NEDD4: variants seen among roughly 807,000 people sequenced by gnomAD.
NEDD4 encodes the protein NEDD4 E3 ubiquitin protein ligase.
A neutral mutation model predicts 144.9 loss-of-function variants in NEDD4; 99 were observed. The observed-to-expected ratio is 0.68, with a 90% CI of 0.58 to 0.81. The LOEUF is 0.81. Ranked by LOEUF, NEDD4 falls within the 30% of genes least tolerant of loss-of-function variation. The pLI is 0.00. For synonymous variants in NEDD4, 318 were observed against 350.6 expected (o/e 0.91, Z 1.04); for missense variants, 985 against 1,065.9 (o/e 0.92, Z 1.06).
chr15:55,877,741 G>T (rs1018846359), intron 5 of NEDD4, among the ~76,000 whole-genome samples: 20 of 151,830 alleles, frequency 1.3e-4, no homozygotes, highest in African/African-American at 4.4e-4. Flanking sequence ...CTTAAGCAAA[G>T]AATTTTCCCC....
intron 1 of NEDD4, 71 bp downstream of exon 1, chr15:55,993,440 G>T (rs2140462929): frequency 6.4e-7 from 1 of 1,553,198 alleles, no homozygotes; most frequent in East Asian, 2.5e-5. Flanking sequence ...GGCCGCCGCC[G>T]CTACCTCCCC....
chr15:55,873,183 A>C (rs1566924923), intron 6 of NEDD4, among the ~76,000 whole-genome samples: 1 of 151,956 alleles, frequency 6.6e-6, no homozygotes, highest in Non-Finnish European at 1.5e-5. Flanking sequence ...ACTCACGTTG[A>C]CTGAGGGTCA....
chr15:55,914,406 G>T (rs2036369089), intron 5 of NEDD4, among the ~76,000 whole-genome samples: 1 of 151,632 alleles, frequency 6.6e-6, no homozygotes. Context: ...AAATACTTTG[G>T]AACGGCCAAA....
chr15:55,957,828 T>G (rs2037362297), intron 2 of NEDD4, among the ~76,000 whole-genome samples: 1 of 152,144 alleles, frequency 6.6e-6, no homozygotes, highest in Non-Finnish European at 1.5e-5. Context: ...TGCAGGGACA[T>G]GGGTGAAGCT....
chr15:55,937,149 AAC>A (rs1335541853), intron 4 of NEDD4, among the ~76,000 whole-genome samples: 1 of 152,198 alleles, frequency 6.6e-6, no homozygotes, highest in Non-Finnish European at 1.5e-5. Context: ...TGTTGTCAAT[AAC>A]AGTTTTTCAC....
At chr15:55,872,364 A>G (rs1325411029) in intron 7 of NEDD4, 51 bp downstream of exon 7, 3 of 811,348 alleles carry the variant, frequency 3.7e-6, no homozygotes, top group Non-Finnish European at 5.7e-6. Context: ...TGTAAGGTGT[A>G]ATGAAGAGAT....
At chr15:55,915,782 T>C (rs761533140) in intron 5 of NEDD4, 2 of 1,613,760 alleles carry the variant, frequency 1.2e-6, no homozygotes, top group Non-Finnish European at 1.7e-6. Flanking sequence ...TTTTCTTCTG[T>C]AACGAGCCCT....
intron 1 of NEDD4, among the ~76,000 whole-genome samples, chr15:55,971,948 A>G (rs1264227540): frequency 6.6e-6 from 1 of 152,226 alleles, no homozygotes; most frequent in Non-Finnish European, 1.5e-5. Flanking sequence ...TGGACACCTA[A>G]TAGGCAGGAG....
chr15:55,933,737 C>T (rs1441414287), intron 4 of NEDD4, among the ~76,000 whole-genome samples: 1 of 152,068 alleles, frequency 6.6e-6, no homozygotes, highest in Non-Finnish European at 1.5e-5. Context: ...CTTGACACTT[C>T]TACTTGCTGC....
intron 1 of NEDD4, among the ~76,000 whole-genome samples, chr15:55,971,129 C>G (rs528273141): frequency 4.5e-4 from 69 of 152,148 alleles, no homozygotes; most frequent in African/African-American, 1.6e-3. Context: ...AAGCAGAATT[C>G]TGAAGTTGAA....
At chr15:55,906,573 A>C (rs1364684188) in intron 5 of NEDD4, among the ~76,000 whole-genome samples, 1 of 151,270 alleles carries the variant, frequency 6.6e-6, no homozygotes, top group Non-Finnish European at 1.5e-5. Context: ...ATAGGTGGGA[A>C]CTGAACAATG....
chr15:55,937,293 T>C (rs778546897), intron 4 of NEDD4, among the ~76,000 whole-genome samples: 7 of 152,222 alleles, frequency 4.6e-5, no homozygotes, highest in Admixed American at 6.5e-5. Context: ...CAGACATTTT[T>C]ATGGCGAATA....
At chr15:55,869,966 C>A (rs1387747260) in intron 7 of NEDD4, among the ~76,000 whole-genome samples, 3 of 151,862 alleles carry the variant, frequency 2.0e-5, no homozygotes, top group Admixed American at 6.6e-5. Context: ...GAGAAGCTGG[C>A]CTTTGAGTTG....
chr15:55,848,469 A>G (rs1388647100), intron 16 of NEDD4, 39 bp from the exon 17 acceptor site: 3 of 1,612,790 alleles, frequency 1.9e-6, no homozygotes, highest in Admixed American at 3.3e-5. Context: ...ACTTTCTCAC[A>G]CATAAAATTT....
Position 55,924,667 on chromosome 15 carries a change from T to C in NEDD4, c.270A>G (p.Glu90=), listed in dbSNP as rs368789363. ...TTACCAATCGGTTTTCGTCAAACAC[T>C]TCAAAAAGAAGCCGGTGCTGCTGAG... ...VHPQQHRLLF[E]VFDENRLTRD... is the part of the protein sequence containing the mutation. Residue 90 remains glutamate (E), a synonymous_variant, in exon 5 of 29, where the codon GAA becomes GAG. Transcript: ENST00000435532. 1 of 1,610,228 alleles carries C rather than the reference T, an allele frequency of 6.2e-7. No homozygotes were observed. The highest frequency in any genetic ancestry group is 8.5e-7 in the Non-Finnish European group (1 of 1,178,304).
In NEDD4 at chr15:55,916,854, T is replaced by C. The variant is rs748844962; in HGVS notation, c.291+7792A>G. 7 of 1,569,670 alleles carry C rather than the reference T, an allele frequency of 4.5e-6. No homozygotes were observed. In the South Asian group the frequency reaches 8.4e-5, roughly 19 times the overall value. On this transcript the variant is annotated intron_variant, in intron 5 of 28. Coordinates refer to ENST00000435532, the MANE Select transcript of NEDD4 (RefSeq NM_006154.4). ...CATTTGTTCTCATTTCCAAACATGT[T>C]AAGGGCTGAAAGTCATAACAAAGAT...
intron 4 of NEDD4, among the ~76,000 whole-genome samples, chr15:55,942,972 G>C (rs1326562539): frequency 6.6e-6 from 1 of 152,190 alleles, no homozygotes; most frequent in Non-Finnish European, 1.5e-5. Flanking sequence ...CTGAAATAAA[G>C]GTCCCTCTTG....
At chr15:55,883,684 CACACACACACAA>C (rs1282084319) in intron 5 of NEDD4, among the ~76,000 whole-genome samples, 1 of 102,514 alleles carries the variant, frequency 9.8e-6, no homozygotes, top group Non-Finnish European at 2.0e-5. Flanking sequence ...TCTCAACACA[CACACACACACAA>C]ACACACACAC....
At chr15:55,967,086 C>A (rs1205858196) in intron 1 of NEDD4, among the ~76,000 whole-genome samples, 1 of 152,102 alleles carries the variant, frequency 6.6e-6, no homozygotes, top group Admixed American at 6.6e-5. Flanking sequence ...AGGGTTTCAC[C>A]ATTGGCTGGG....
Sources: gnomAD v4.1 joint callset for allele counts (sites outside exome capture counted in the v4.1 genomes callset) on GRCh38, gnomAD v4.1.1 for gene constraint, MANE v1.5 for transcripts, NCBI Gene and HGNC (gene_info 2026-07-23, HGNC 2026-07-21) for gene names.